Variants in LARGE1 observed in about 807,000 individuals in gnomAD.
The protein encoded by LARGE1 is xylosyl- and glucuronyltransferase LARGE1.
In LARGE1, 43 loss-of-function variants were observed where a neutral mutation model predicts 87.6. The observed-to-expected ratio is 0.49, with a 90% CI of 0.38 to 0.63. The LOEUF (loss-of-function observed/expected upper bound fraction) is 0.63. Ranked by LOEUF, LARGE1 falls within the 30% of genes least tolerant of loss-of-function variation. The pLI, the probability that LARGE1 is intolerant of heterozygous loss-of-function variation, is 0.00. For synonymous variants in LARGE1, 434 were observed against 394.6 expected, an observed-to-expected ratio of 1.10 and a Z score of -1.18; for missense variants, 802 against 1,000.2, an observed-to-expected ratio of 0.80 and a Z score of 2.67.
intron 7 of LARGE1, among the ~76,000 whole-genome samples, chr22:33,409,119 G>C (rs1286707185): frequency 6.6e-6 from 1 of 152,218 alleles, no homozygotes; most frequent in East Asian, 1.9e-4. Flanking sequence ...ATAGGGCTCT[G>C]CCAACCAATT....
intron 6 of LARGE1, among the ~76,000 whole-genome samples, chr22:33,531,052 T>C (rs1438383224): frequency 6.6e-6 from 1 of 152,214 alleles, no homozygotes; most frequent in Non-Finnish European, 1.5e-5. Flanking sequence ...CTTGCCCTAA[T>C]TGTACTTTGG....
chr22:33,719,497 A>ATATATATT (rs2083016068), intron 2 of LARGE1, among the ~76,000 whole-genome samples: 2 of 145,104 alleles, frequency 1.4e-5, no homozygotes, highest in Non-Finnish European at 3.0e-5. Context: ...CATCTATACC[A>ATATATATT]TATTTATTTA....
intron 1 of LARGE1, among the ~76,000 whole-genome samples, chr22:33,834,379 G>C (rs1826238024): frequency 6.6e-6 from 1 of 152,174 alleles, no homozygotes; most frequent in Non-Finnish European, 1.5e-5. Flanking sequence ...AATCACAAAA[G>C]AAGTGAAAAT....
rs145859874 is a variant in LARGE1, at chr22:33,359,977, G to C, written c.1131+21942C>G. On this transcript the variant is annotated intron_variant, in intron 9 of 14. Transcript: ENST00000397394. ...AGCCCATATATGGGACCAAAGTCCT[G>C]AGTTTTGGGTTAAATGAAGGTTGCC... Among the ~76,000 whole-genome samples the C allele has an allele frequency of 5.0e-3, 752 of 149,426 alleles. 41 individuals carry two copies. The highest frequency in any genetic ancestry group is 0.018 in the African/African-American group (729 of 40,602).
At chr22:33,813,007 A>G (rs1485034617) in intron 1 of LARGE1, among the ~76,000 whole-genome samples, 2 of 152,200 alleles carry the variant, frequency 1.3e-5, no homozygotes, top group Admixed American at 6.5e-5. Flanking sequence ...AATACAGACT[A>G]TTCTCTTAGT....
At chr22:33,820,344 C>T (rs1240142944) in intron 1 of LARGE1, among the ~76,000 whole-genome samples, 3 of 152,048 alleles carry the variant, frequency 2.0e-5, no homozygotes, top group South Asian at 4.1e-4. Flanking sequence ...TTTTTAGAGA[C>T]AGGGTCTCAC....
At chr22:33,192,851 G>A (rs1923856129) in intron 11 of LARGE1, among the ~76,000 whole-genome samples, 1 of 152,136 alleles carries the variant, frequency 6.6e-6, no homozygotes, top group East Asian at 1.9e-4. Context: ...TGTGTATGGG[G>A]TGAGATAAGA....
chr22:33,858,017 T>C (rs1041251228), intron 1 of LARGE1, among the ~76,000 whole-genome samples: 2 of 152,168 alleles, frequency 1.3e-5, no homozygotes, highest in Non-Finnish European at 2.9e-5. Flanking sequence ...GACCTGGGGT[T>C]CTTGGCCTCA....
At chr22:33,824,129 G>A (rs1025814953) in intron 1 of LARGE1, among the ~76,000 whole-genome samples, 1 of 152,158 alleles carries the variant, frequency 6.6e-6, no homozygotes, top group Non-Finnish European at 1.5e-5. Context: ...ATTGAGTTTT[G>A]CTAACATTTT....
chr22:33,308,615 G>A (rs1226836070), intron 11 of LARGE1, among the ~76,000 whole-genome samples: 2 of 152,166 alleles, frequency 1.3e-5, no homozygotes, highest in African/African-American at 4.8e-5. Flanking sequence ...GACATGAGAA[G>A]AGGTGAGACA....
At chr22:33,665,625 G>A (rs1011240759) in intron 2 of LARGE1, among the ~76,000 whole-genome samples, 1 of 152,180 alleles carries the variant, frequency 6.6e-6, no homozygotes, top group Non-Finnish European at 1.5e-5. Context: ...GCGCGCGGTG[G>A]CTCATACCTG....
At chr22:33,694,715 A>G (rs1266913854) in intron 2 of LARGE1, among the ~76,000 whole-genome samples, 1 of 152,112 alleles carries the variant, frequency 6.6e-6, no homozygotes, top group East Asian at 1.9e-4. Flanking sequence ...GTGTGGAGAG[A>G]CAGGAGGGGG....
At chr22:33,753,361 T>C (rs2084393056) in intron 2 of LARGE1, among the ~76,000 whole-genome samples, 1 of 152,112 alleles carries the variant, frequency 6.6e-6, no homozygotes, top group Non-Finnish European at 1.5e-5. Context: ...GCCTTGGGGA[T>C]GGAGGAAGGC....
chr22:33,722,581 C>T (rs1172989768), intron 2 of LARGE1, among the ~76,000 whole-genome samples: 3 of 152,130 alleles, frequency 2.0e-5, no homozygotes, highest in African/African-American at 4.8e-5. Flanking sequence ...GGGGGAAATA[C>T]ATCATTCCTG....
chr22:33,240,305 CTT>C (rs1275641473), intron 11 of LARGE1, among the ~76,000 whole-genome samples: 1 of 152,068 alleles, frequency 6.6e-6, no homozygotes, highest in Non-Finnish European at 1.5e-5. Flanking sequence ...CTTTTCAAGT[CTT>C]TGCTCATTTT....
intron 13 of LARGE1, among the ~76,000 whole-genome samples, chr22:33,281,515 T>C (rs1930444700): frequency 6.6e-6 from 1 of 152,228 alleles, no homozygotes; most frequent in Admixed American, 6.5e-5. Flanking sequence ...TTGGGCAAGT[T>C]ATTAAACTTC....
chr22:33,480,651 G>C (rs1261564518), intron 6 of LARGE1, among the ~76,000 whole-genome samples: 1 of 151,946 alleles, frequency 6.6e-6, no homozygotes, highest in African/African-American at 2.4e-5. Flanking sequence ...CTTTATTTCT[G>C]ATGATAAAAC....
chr22:33,494,655 C>T (rs2070015088), intron 6 of LARGE1, among the ~76,000 whole-genome samples: 2 of 152,178 alleles, frequency 1.3e-5, no homozygotes, highest in South Asian at 4.1e-4. Context: ...AGGTAGGCAG[C>T]TTAACTAATC....
At chr22:33,573,583 C>T (rs1421944160) in intron 5 of LARGE1, among the ~76,000 whole-genome samples, 2 of 152,130 alleles carry the variant, frequency 1.3e-5, no homozygotes, top group Admixed American at 6.6e-5. Context: ...GGGCGAGGGA[C>T]CAGGGTCCAT....
Sources: gnomAD v4.1 joint callset for allele counts (sites outside exome capture counted in the v4.1 genomes callset) on GRCh38, gnomAD v4.1.1 for gene constraint, MANE v1.5 for transcripts, NCBI Gene and HGNC (gene_info 2026-07-23, HGNC 2026-07-21) for gene names.